ANKFN1: variants seen among roughly 807,000 people sequenced by gnomAD.
ANKFN1 encodes ankyrin repeat and fibronectin type-III domain-containing protein 1.
Under a neutral mutation model 108.7 loss-of-function variants are expected in ANKFN1, and 74 were observed. The observed-to-expected ratio is 0.68, with a 90% confidence interval of 0.56 to 0.83. The LOEUF (loss-of-function observed/expected upper bound fraction) is 0.83, where lower values mean the gene tolerates loss of function less well. ANKFN1 is among the 40% of genes least tolerant of loss of function. The pLI is 0.00. For synonymous variants in ANKFN1, 547 were observed against 516.2 expected, an observed-to-expected ratio of 1.06 and a Z score of -0.81; for missense variants, 1,505 against 1,382.3, an observed-to-expected ratio of 1.09 and a Z score of -1.41.
chr17:56,303,010 T>C (rs1468429643), intron 3 of ANKFN1, among the ~76,000 whole-genome samples: 1 of 152,216 alleles, frequency 6.6e-6, no homozygotes, highest in African/African-American at 2.4e-5. Context: ...GCACATTTAG[T>C]GATGGATAAT....
chr17:56,181,294 T>C (rs1479149845), intron 1 of ANKFN1, among the ~76,000 whole-genome samples: 2 of 152,172 alleles, frequency 1.3e-5, no homozygotes, highest in Admixed American at 1.3e-4. Context: ...CTGGAGGATT[T>C]CCCCCAAAGC....
chr17:56,358,456 T>TGCAGCCATCTG, intron 6 of ANKFN1, among the ~76,000 whole-genome samples: 1 of 152,134 alleles, frequency 6.6e-6, no homozygotes, highest in African/African-American at 2.4e-5. Context: ...TCCTTACTCA[T>TGCAGCCATCTG]AGAAAAATCC....
At chr17:56,062,674 G>A (rs988014954) in intron 4 of ANKFN1, among the ~76,000 whole-genome samples, 4 of 151,634 alleles carry the variant, frequency 2.6e-5, no homozygotes, top group African/African-American at 9.7e-5. Context: ...GCACCAATGG[G>A]TCTTGACTCT....
At chr17:56,186,203 C>A (rs1003188487) in intron 1 of ANKFN1, among the ~76,000 whole-genome samples, 10 of 152,164 alleles carry the variant, frequency 6.6e-5, no homozygotes, top group African/African-American at 2.4e-4. Context: ...ATGTAGTATA[C>A]TGAACAAGTA....
At chr17:56,187,583 T>C (rs1912341668) in intron 1 of ANKFN1, among the ~76,000 whole-genome samples, 1 of 152,234 alleles carries the variant, frequency 6.6e-6, no homozygotes. Flanking sequence ...ATCTCATTAC[T>C]GGGTATATAC....
At chr17:56,291,171 A>G (rs1052573327) in intron 3 of ANKFN1, among the ~76,000 whole-genome samples, 2 of 152,204 alleles carry the variant, frequency 1.3e-5, no homozygotes, top group Admixed American at 6.5e-5. Context: ...CAAAACATCT[A>G]CAGGAGAATG....
At chr17:56,051,866 T>C (rs1229264136) in intron 4 of ANKFN1, among the ~76,000 whole-genome samples, 1 of 150,876 alleles carries the variant, frequency 6.6e-6, no homozygotes, top group Non-Finnish European at 1.5e-5. Context: ...TTACAAGGGA[T>C]GTGAAGGACC....
intron 3 of ANKFN1, among the ~76,000 whole-genome samples, chr17:56,316,515 C>T (rs1418468173): frequency 6.6e-6 from 1 of 152,060 alleles, no homozygotes; most frequent in Non-Finnish European, 1.5e-5. Context: ...ATACGGAAGG[C>T]TTCTTTAGAG....
chr17:56,215,345 G>A (rs1281237688), intron 2 of ANKFN1, among the ~76,000 whole-genome samples: 1 of 152,184 alleles, frequency 6.6e-6, no homozygotes, highest in African/African-American at 2.4e-5. Flanking sequence ...TTCCTCATCT[G>A]TAAATTGGGA....
At chr17:56,443,537 C>G (rs993301864) in intron 10 of ANKFN1, among the ~76,000 whole-genome samples, 8 of 152,132 alleles carry the variant, frequency 5.3e-5, no homozygotes, top group African/African-American at 1.7e-4. Context: ...TCCTCACCCG[C>G]AGTGCACACA....
chr17:56,350,916 G>C lies in ANKFN1; in HGVS notation c.339G>C (p.Glu113Asp). ...KLKGSHSSFD[E>D]AYFRTRTDRL... The stretch of plus-strand genomic sequence containing the variant: ...AAGGGAGCCACTCTTCCTTCGATGA[G>C]GCCTATTTTAGGACAAGAACTGATC... The change falls in exon 5 of 21, where the codon GAG (glutamate) becomes GAC (aspartate). Residue 113 changes from glutamate to aspartate, a missense_variant. Physicochemically the swap from Glu to Asp is conservative, Grantham distance 45. Coordinates refer to ENST00000682825, the MANE Select transcript of ANKFN1 (RefSeq NM_001370326.1). The C allele has an allele frequency of 6.2e-7, 1 of 1,613,752 alleles. No individual in the cohort carries two copies.
chr17:56,145,680 C>T (rs1908214373), intron 4 of ANKFN1, among the ~76,000 whole-genome samples: 1 of 152,194 alleles, frequency 6.6e-6, no homozygotes, highest in Admixed American at 6.5e-5. Context: ...TGGGTGGACA[C>T]ATAGCCAAAC....
chr17:56,349,148 G>A (rs1056400228), intron 4 of ANKFN1, among the ~76,000 whole-genome samples: 5 of 152,104 alleles, frequency 3.3e-5, no homozygotes, highest in African/African-American at 7.2e-5. Context: ...AATATTACAC[G>A]TTCTCACTTA....
chr17:56,482,883 TC>T (rs932600625), intron 18 of ANKFN1, among the ~76,000 whole-genome samples: 1 of 152,042 alleles, frequency 6.6e-6, no homozygotes, highest in African/African-American at 2.4e-5. Context: ...ACTCTCTTTT[TC>T]CCCTTCCCTC....
At chr17:56,246,567 C>T (rs919033732) in intron 3 of ANKFN1, among the ~76,000 whole-genome samples, 3 of 151,828 alleles carry the variant, frequency 2.0e-5, no homozygotes, top group Admixed American at 6.6e-5. Flanking sequence ...GGAGCACATG[C>T]CTTGAAGGAC....
intron 8 of ANKFN1, among the ~76,000 whole-genome samples, chr17:56,437,973 GGTGTGTGTGT>G (rs150040769): frequency 2.1e-5 from 3 of 142,174 alleles, no homozygotes; most frequent in Non-Finnish European, 4.5e-5. Context: ...ATCTACTGTA[GGTGTGTGTGT>G]GTGTGTGTGT....
At chr17:56,434,685 C>T (rs2048875181) in intron 8 of ANKFN1, among the ~76,000 whole-genome samples, 1 of 152,104 alleles carries the variant, frequency 6.6e-6, no homozygotes, top group African/African-American at 2.4e-5. Context: ...ATTTAAAACC[C>T]ACAAGTGTTG....
At chr17:56,286,749 A>T (rs1457718479) in intron 3 of ANKFN1, among the ~76,000 whole-genome samples, 3 of 152,222 alleles carry the variant, frequency 2.0e-5, no homozygotes, top group Admixed American at 2.0e-4. Context: ...CCAAGATTCA[A>T]GAGCAAAGAA....
chr17:56,080,302 T>C (rs1199448267), intron 4 of ANKFN1, among the ~76,000 whole-genome samples: 1 of 152,202 alleles, frequency 6.6e-6, no homozygotes, highest in Non-Finnish European at 1.5e-5. Flanking sequence ...TCCTTCCAAG[T>C]ATGTAAGAAT....
Sources: gnomAD v4.1 joint callset for allele counts (sites outside exome capture counted in the v4.1 genomes callset) on GRCh38, gnomAD v4.1.1 for gene constraint, MANE v1.5 for transcripts, NCBI Gene and HGNC (gene_info 2026-07-23, HGNC 2026-07-21) for gene names.